Variants in FOXP1 observed in about 807,000 individuals in gnomAD.
The protein encoded by FOXP1 is forkhead box P1.
A neutral mutation model predicts 98.2 loss-of-function variants in FOXP1; 15 were observed. The observed-to-expected ratio is 0.15, with a 90% confidence interval of 0.10 to 0.24. The LOEUF is 0.24. FOXP1 is among the 10% of genes least tolerant of loss of function. The pLI is 1.00. For missense variants in FOXP1, 633 were observed against 848.5 expected (o/e 0.75, Z 3.15); for synonymous variants, 371 against 314.5 (o/e 1.18, Z -1.90).
At chr3:71,510,762 C>T (rs565415599) in intron 2 of FOXP1, among the ~76,000 whole-genome samples, 53 of 152,280 alleles carry the variant, frequency 3.5e-4, no homozygotes, top group East Asian at 9.6e-4. Context: ...AAAGTCAGGA[C>T]GGAAAGTGTT....
At chr3:71,449,289 T>A (rs971021913) in intron 3 of FOXP1, among the ~76,000 whole-genome samples, 3 of 152,134 alleles carry the variant, frequency 2.0e-5, no homozygotes, top group Non-Finnish European at 2.9e-5. Context: ...CTCAGGATCG[T>A]CCAAGTTCAA....
chr3:71,173,118 T>C (rs1005367373), intron 6 of FOXP1, among the ~76,000 whole-genome samples: 3 of 152,122 alleles, frequency 2.0e-5, no homozygotes, highest in Non-Finnish European at 2.9e-5. Flanking sequence ...TGCTTTTTTT[T>C]CCCTATTGGT....
intron 5 of FOXP1, among the ~76,000 whole-genome samples, chr3:71,238,732 T>C (rs976153729): frequency 6.6e-6 from 1 of 152,174 alleles, no homozygotes. Flanking sequence ...CAGGCATTCA[T>C]AAATAATCGG....
intron 2 of FOXP1, among the ~76,000 whole-genome samples, chr3:71,559,738 T>C (rs1407191836): frequency 6.6e-6 from 1 of 152,064 alleles, no homozygotes; most frequent in Non-Finnish European, 1.5e-5. Flanking sequence ...TCCCAGCTAC[T>C]CAGAGGGCTG....
At chr3:70,961,598 C>A (rs995670820) in intron 20 of FOXP1, among the ~76,000 whole-genome samples, 1 of 152,022 alleles carries the variant, frequency 6.6e-6, no homozygotes, top group African/African-American at 2.4e-5. Flanking sequence ...AGTCACCCTC[C>A]CAGCAGTCTG....
chr3:71,071,775 T>C (rs946821328), intron 7 of FOXP1, among the ~76,000 whole-genome samples: 8 of 152,090 alleles, frequency 5.3e-5, no homozygotes, highest in African/African-American at 1.7e-4. Flanking sequence ...TGTTTCACCA[T>C]GTTGCCCAGA....
At chr3:70,989,752 G>A (rs1173234766) in intron 13 of FOXP1, among the ~76,000 whole-genome samples, 1 of 152,054 alleles carries the variant, frequency 6.6e-6, no homozygotes. Context: ...CAAATTAAAG[G>A]GTGAGAGGTG....
intron 7 of FOXP1, chr3:71,064,700 TAA>T (rs1347141021): frequency 3.0e-6 from 2 of 662,546 alleles, no homozygotes; most frequent in African/African-American, 3.9e-5. Flanking sequence ...GATGATTTTT[TAA>T]AAGACTCAAC....
intron 3 of FOXP1, among the ~76,000 whole-genome samples, chr3:71,374,315 C>T (rs1223189485): frequency 6.6e-6 from 1 of 152,134 alleles, no homozygotes; most frequent in Non-Finnish European, 1.5e-5. Flanking sequence ...ACATCTGGGC[C>T]ATGCGTGGTG....
intron 3 of FOXP1, among the ~76,000 whole-genome samples, chr3:71,481,509 C>T (rs2090274883): frequency 6.6e-6 from 1 of 152,166 alleles, no homozygotes; most frequent in Non-Finnish European, 1.5e-5. Flanking sequence ...CAGCACAAGC[C>T]TATCTTTGTT....
intron 11 of FOXP1, among the ~76,000 whole-genome samples, chr3:71,017,897 T>C (rs2044748748): frequency 1.3e-5 from 2 of 152,190 alleles, no homozygotes. Flanking sequence ...AAGTTGCTCT[T>C]GAAAAATGCT....
intron 3 of FOXP1, among the ~76,000 whole-genome samples, chr3:71,387,461 G>A (rs1467278061): frequency 6.6e-6 from 1 of 152,110 alleles, no homozygotes; most frequent in Non-Finnish European, 1.5e-5. Flanking sequence ...ATCTAAAATT[G>A]TATTTCTTTC....
intron 2 of FOXP1, among the ~76,000 whole-genome samples, chr3:71,539,780 G>A (rs1249533235): frequency 1.3e-5 from 2 of 152,052 alleles, no homozygotes; most frequent in Non-Finnish European, 2.9e-5. Flanking sequence ...TTTTAAGTTG[G>A]AATTGTAGAA....
At chr3:71,131,144 AG>A (rs2059548377) in intron 6 of FOXP1, among the ~76,000 whole-genome samples, 1 of 152,120 alleles carries the variant, frequency 6.6e-6, no homozygotes. Context: ...CCCGTATTCC[AG>A]GGATATGCCC....
chr3:71,334,308 T>TG (rs2076538528), intron 4 of FOXP1: 1 of 152,110 alleles, frequency 6.6e-6, no homozygotes, highest in Non-Finnish European at 1.5e-5. Flanking sequence ...CTCAGGAGGC[T>TG]GAGGCATGAG....
chr3:70,965,144 G>A (rs367815319), intron 20 of FOXP1, among the ~76,000 whole-genome samples: 8 of 152,330 alleles, frequency 5.3e-5, no homozygotes, highest in African/African-American at 1.9e-4. Flanking sequence ...TTGGAATAAT[G>A]TGGTTTCTTC....
At chr3:71,427,232 C>T (rs774141518) in intron 3 of FOXP1, among the ~76,000 whole-genome samples, 8 of 152,016 alleles carry the variant, frequency 5.3e-5, no homozygotes, top group African/African-American at 7.3e-5. Flanking sequence ...AGCCCAGGGT[C>T]TGGCACAAAT....
intron 3 of FOXP1, among the ~76,000 whole-genome samples, chr3:71,396,977 T>TACAC (rs1207279942): frequency 1.7e-5 from 1 of 60,272 alleles, no homozygotes; most frequent in Non-Finnish European, 3.3e-5. Flanking sequence ...TGTATATATA[T>TACAC]ATATGTGTAT....
In FOXP1 at chr3:71,221,951, G is replaced by A. The variant is rs140803847; in HGVS notation, c.-11-23559C>T. Reference sequence around the variant, plus strand: ...AGGCGGATCACGAGGTGAAGAGATCGAGACCATCCTGGCCAACACGGTAAA... The same window carrying A: ...AGGCGGATCACGAGGTGAAGAGATCAAGACCATCCTGGCCAACACGGTAAA... On this transcript the variant is annotated intron_variant, in intron 5 of 20. Coordinates refer to ENST00000649528, the MANE Select transcript of FOXP1 (RefSeq NM_001349338.3). 7.0e-3 allele frequency among the ~76,000 whole-genome samples: 1,063 copies of A among 152,228 alleles called. 15 individuals are homozygous for A. The highest frequency in any genetic ancestry group is 0.023 in the African/African-American group (947 of 41,548).
Sources: allele counts gnomAD v4.1 joint callset (sites outside exome capture counted in the v4.1 genomes callset), GRCh38; gene constraint gnomAD v4.1.1; transcripts MANE v1.5; gene names NCBI Gene and HGNC (gene_info 2026-07-23, HGNC 2026-07-21).